Variants in OXR1 observed in about 807,000 individuals in gnomAD.
The protein encoded by OXR1 is oxidation resistance protein 1.
In OXR1, 41 loss-of-function variants were observed where a neutral mutation model predicts 104.6. The ratio of observed to expected loss-of-function variants is 0.39; its 90% CI spans 0.31 to 0.51. The LOEUF is 0.51. OXR1 is among the 20% of genes least tolerant of loss of function. OXR1 has a pLI of 0.77. For missense variants in OXR1, 955 were observed against 1,031.9 expected (o/e 0.93, Z 1.02); for synonymous variants, 348 against 348.4 (o/e 1.00, Z 0.01).
chr8:106,363,018 T>C lies in OXR1; in HGVS notation c.23+3382T>C, dbSNP rs546934220. Among the ~76,000 whole-genome samples, 85 of 152,370 alleles carry C rather than the reference T, an allele frequency of 5.6e-4. 1 individual carries two copies. The South Asian group carries it at 0.017, about 30-fold the overall frequency. ...TTCACTGTGATGCCTGCACACACTT[T>C]AATTTTGGTCCCCAAATCTGTTAAA... On this transcript the variant is annotated intron_variant, in intron 2 of 16. Coordinates refer to ENST00000517566, the MANE Select transcript of OXR1 (RefSeq NM_001198533.2).
At chr8:106,716,316 G>A (rs541628505) in intron 11 of OXR1, among the ~76,000 whole-genome samples, 7 of 152,212 alleles carry the variant, frequency 4.6e-5, no homozygotes, top group African/African-American at 1.4e-4. Context: ...CAATTGAAAT[G>A]AGCTGTAGTA....
Position 106,585,537 on chromosome 8 carries a change from A to G in OXR1, c.220+66398A>G, listed in dbSNP as rs138848246. Among the ~76,000 whole-genome samples, 48 of 152,276 alleles carry G rather than the reference A, an allele frequency of 3.2e-4. No homozygotes were observed. The East Asian group carries it at 8.9e-3, about 28-fold the overall frequency. ...TCTACATGCTATAGTAATTTAATTC[A>G]GTTCCTCATGGAACTTATGTTACAT... On this transcript the variant is annotated intron_variant, in intron 3 of 16. Transcript: ENST00000517566.
intron 1 of OXR1, among the ~76,000 whole-genome samples, chr8:106,309,798 G>A (rs886571298): frequency 1.3e-5 from 2 of 149,936 alleles, no homozygotes; most frequent in East Asian, 1.9e-4. Context: ...AATATATAAA[G>A]GTATATGTAT....
intron 1 of OXR1, among the ~76,000 whole-genome samples, chr8:106,322,157 C>G (rs569090077): frequency 6.6e-6 from 1 of 152,286 alleles, no homozygotes; most frequent in Non-Finnish European, 1.5e-5. Flanking sequence ...CAGCAAAATA[C>G]TTGCAAACAG....
chr8:106,327,275 A>T (rs1476581501), intron 1 of OXR1, among the ~76,000 whole-genome samples: 6 of 152,202 alleles, frequency 3.9e-5, no homozygotes, highest in African/African-American at 1.2e-4. Context: ...TTCAAAAAGC[A>T]TAGTTTGAAC....
intron 1 of OXR1, among the ~76,000 whole-genome samples, chr8:106,321,493 G>GT (rs1388021398): frequency 1.4e-4 from 22 of 152,158 alleles, no homozygotes; most frequent in Non-Finnish European, 4.4e-5. Flanking sequence ...AGTGGTAGTG[G>GT]TGGAGGAGGA....
intron 11 of OXR1, among the ~76,000 whole-genome samples, chr8:106,728,727 G>A (rs1054146670): frequency 3.9e-5 from 6 of 151,974 alleles, no homozygotes; most frequent in Non-Finnish European, 8.8e-5. Context: ...ATATTCATGT[G>A]CCATACTCTA....
chr8:106,437,631 C>T (rs149199126), intron 2 of OXR1, among the ~76,000 whole-genome samples: 36 of 152,200 alleles, frequency 2.4e-4, no homozygotes, highest in African/African-American at 8.7e-4. Flanking sequence ...GATCATGATC[C>T]CAATTTGACA....
At chr8:106,609,978 G>A (rs1820693587) in intron 3 of OXR1, among the ~76,000 whole-genome samples, 3 of 152,066 alleles carry the variant, frequency 2.0e-5, no homozygotes, top group South Asian at 2.1e-4. Flanking sequence ...TCTGTGGGAA[G>A]ATGATGCTCA....
chr8:106,586,374 A>G (rs1818631435), intron 3 of OXR1, among the ~76,000 whole-genome samples: 1 of 152,178 alleles, frequency 6.6e-6, no homozygotes, highest in Non-Finnish European at 1.5e-5. Flanking sequence ...TCCTCCCCCA[A>G]GTTTTGACCT....
chr8:106,339,532 A>ATATATG (rs1815143741), intron 1 of OXR1, among the ~76,000 whole-genome samples: 1 of 78,548 alleles, frequency 1.3e-5, no homozygotes, highest in Non-Finnish European at 2.2e-5. Context: ...ATATATATAT[A>ATATATG]TATATATATA....
At chr8:106,446,251 A>G (rs903004341) in intron 2 of OXR1, among the ~76,000 whole-genome samples, 2 of 152,226 alleles carry the variant, frequency 1.3e-5, no homozygotes, top group African/African-American at 4.8e-5. Flanking sequence ...TTTACAAGTT[A>G]AGGTGTGGAA....
At chr8:106,640,899 A>G (rs1028688691) in intron 3 of OXR1, among the ~76,000 whole-genome samples, 2 of 152,220 alleles carry the variant, frequency 1.3e-5, no homozygotes, top group Non-Finnish European at 2.9e-5. Context: ...TCAAACTAGA[A>G]CATATGCATA....
At chr8:106,533,052 T>C (rs1814209386) in intron 3 of OXR1, among the ~76,000 whole-genome samples, 1 of 152,230 alleles carries the variant, frequency 6.6e-6, no homozygotes, top group Admixed American at 6.5e-5. Context: ...TCCAGGGTAC[T>C]ACATTATATT....
intron 3 of OXR1, among the ~76,000 whole-genome samples, chr8:106,662,530 A>AAT (rs1554614450): frequency 2.6e-5 from 4 of 152,196 alleles, no homozygotes; most frequent in Non-Finnish European, 5.9e-5. Context: ...GACATGGAAT[A>AAT]ATAATTATAA....
At chr8:106,306,533 T>G (rs1813472135) in intron 1 of OXR1, among the ~76,000 whole-genome samples, 1 of 148,498 alleles carries the variant, frequency 6.7e-6, no homozygotes, top group Non-Finnish European at 1.5e-5. Flanking sequence ...AAAAAAAAAA[T>G]CCCAAACAAG....
At chr8:106,660,291 A>G (rs567767756) in intron 3 of OXR1, among the ~76,000 whole-genome samples, 1 of 152,226 alleles carries the variant, frequency 6.6e-6, no homozygotes, top group Non-Finnish European at 1.5e-5. Flanking sequence ...GCTGCTTCTC[A>G]GATGGATTTT....
intron 12 of OXR1, 99 bp downstream of exon 12, chr8:106,737,699 C>T (rs2131558213): frequency 2.3e-6 from 1 of 427,600 alleles, no homozygotes; most frequent in Non-Finnish European, 4.0e-6. Flanking sequence ...TTTGCTTTGA[C>T]TGCAGCACTA....
chr8:106,595,456 A>C (rs2130722253), intron 3 of OXR1, among the ~76,000 whole-genome samples: 1 of 150,460 alleles, frequency 6.6e-6, no homozygotes, highest in South Asian at 2.1e-4. Context: ...AGGCTGAGGC[A>C]GGAGAATCAC....
Sources: gnomAD v4.1 joint callset for allele counts (sites outside exome capture counted in the v4.1 genomes callset) on GRCh38, gnomAD v4.1.1 for gene constraint, MANE v1.5 for transcripts, NCBI Gene and HGNC (gene_info 2026-07-23, HGNC 2026-07-21) for gene names.